Variants in ADK observed in about 807,000 individuals in gnomAD.
The protein encoded by ADK is adenosine kinase, also known as N6,N6-dimethyladenosine kinase.
Under a neutral mutation model 44.7 loss-of-function variants are expected in ADK, and 24 were observed. The ratio of observed to expected loss-of-function variants is 0.54; its 90% CI spans 0.39 to 0.76. ADK has a LOEUF of 0.76. Ranked by LOEUF, ADK falls within the 30% of genes least tolerant of loss-of-function variation. ADK has a pLI of 0.00. For missense variants in ADK, 321 were observed against 425.1 expected (o/e 0.76, Z 2.15); for synonymous variants, 128 against 142.6 (o/e 0.90, Z 0.73).
At chr10:74,360,501 T>G (rs1325122216) in intron 4 of ADK, among the ~76,000 whole-genome samples, 1 of 152,196 alleles carries the variant, frequency 6.6e-6, no homozygotes, top group Non-Finnish European at 1.5e-5. Context: ...TCCCCTACTA[T>G]TATTGTATTT....
At position 74,416,163 on chromosome 10, in the gene ADK, T is replaced by TA. The variant is rs201702804; in HGVS notation, c.555+17593dup. Among the ~76,000 whole-genome samples, 183 of 151,220 alleles carry TA rather than the reference T, an allele frequency of 1.2e-3. 1 individual carries two copies. The South Asian group carries it at 0.018, about 15-fold the overall frequency. On this transcript the variant is annotated intron_variant, in intron 6 of 10. Transcript: ENST00000539909. Reference sequence around the variant, plus strand: ...GGTGGATGACATGGTACGTGAAGCTTAAAAAAAAATTTGGTAAATTGGTAT... The same window carrying TA: ...GGTGGATGACATGGTACGTGAAGCTTAAAAAAAAAATTTGGTAAATTGGTAT...
chr10:74,686,994 G>C (rs1035524363), intron 10 of ADK, among the ~76,000 whole-genome samples: 4 of 152,050 alleles, frequency 2.6e-5, no homozygotes, highest in African/African-American at 9.7e-5. Flanking sequence ...ACATCTCTAA[G>C]CCTCCGTTTC....
At chr10:74,310,555 C>T (rs1406147823) in intron 3 of ADK, among the ~76,000 whole-genome samples, 1 of 152,106 alleles carries the variant, frequency 6.6e-6, no homozygotes, top group African/African-American at 2.4e-5. Flanking sequence ...ACTTTGGTCT[C>T]GTCTCTCTAT....
intron 4 of ADK, among the ~76,000 whole-genome samples, chr10:74,355,744 CTG>C (rs1842115826): frequency 6.6e-6 from 1 of 152,078 alleles, no homozygotes; most frequent in Admixed American, 6.6e-5. Context: ...GACAATTGGT[CTG>C]TATCTTTTCT....
chr10:74,523,232 G>T (rs1362552043), intron 6 of ADK, among the ~76,000 whole-genome samples: 2 of 152,160 alleles, frequency 1.3e-5, no homozygotes, highest in Non-Finnish European at 1.5e-5. Flanking sequence ...TTACATTTCA[G>T]ATGGTTTTAT....
chr10:74,249,261 T>C (rs749470512), intron 3 of ADK, among the ~76,000 whole-genome samples: 4 of 152,176 alleles, frequency 2.6e-5, no homozygotes, highest in Non-Finnish European at 4.4e-5. Context: ...TAGAGGAAAA[T>C]AGTGTTCTTA....
chr10:74,675,814 T>C (rs931256435), intron 10 of ADK, among the ~76,000 whole-genome samples: 1 of 152,100 alleles, frequency 6.6e-6, no homozygotes, highest in Non-Finnish European at 1.5e-5. Flanking sequence ...ACAAATAACA[T>C]GAAAGAGGAC....
chr10:74,656,886 G>T (rs1020577961), intron 9 of ADK, among the ~76,000 whole-genome samples: 2 of 152,134 alleles, frequency 1.3e-5, no homozygotes, highest in Non-Finnish European at 2.9e-5. Context: ...TAGAGACAGG[G>T]TCTCATTCTT....
chr10:74,180,070 T>TAGTA (rs1842476133), intron 1 of ADK, among the ~76,000 whole-genome samples: 1 of 152,062 alleles, frequency 6.6e-6, no homozygotes, highest in Non-Finnish European at 1.5e-5. Context: ...TTGCTAAATA[T>TAGTA]AGTAGTATGT....
chr10:74,625,337 A>G (rs929263898), intron 9 of ADK, among the ~76,000 whole-genome samples: 3 of 152,162 alleles, frequency 2.0e-5, no homozygotes, highest in South Asian at 4.1e-4. Context: ...AGAGTCCTTC[A>G]TATGATTTGT....
intron 6 of ADK, among the ~76,000 whole-genome samples, chr10:74,482,778 A>G (rs1048830197): frequency 5.9e-5 from 9 of 152,222 alleles, no homozygotes; most frequent in Non-Finnish European, 8.8e-5. Context: ...CAGTCATTAA[A>G]TCTTTAAACT....
At chr10:74,224,447 C>T in intron 2 of ADK, 91 bp from the exon 3 acceptor site, 2 of 942,866 alleles carry the variant, frequency 2.1e-6, no homozygotes, top group Non-Finnish European at 3.4e-6. Flanking sequence ...AGACCTATAA[C>T]AGTGTTGGAG....
chr10:74,614,927 A>G (rs981239734), intron 9 of ADK, among the ~76,000 whole-genome samples: 8 of 152,276 alleles, frequency 5.3e-5, no homozygotes, highest in Admixed American at 2.6e-4. Context: ...TCACTCATCT[A>G]TATTTATTTC....
chr10:74,679,456 G>T (rs1855521568), intron 10 of ADK, among the ~76,000 whole-genome samples: 1 of 152,070 alleles, frequency 6.6e-6, no homozygotes, highest in Non-Finnish European at 1.5e-5. Context: ...ATTAAAGTTT[G>T]CCAGCTCTGT....
At chr10:74,496,356 C>G (rs1217438327) in intron 6 of ADK, among the ~76,000 whole-genome samples, 1 of 152,180 alleles carries the variant, frequency 6.6e-6, no homozygotes, top group Non-Finnish European at 1.5e-5. Flanking sequence ...GTAATTGAAT[C>G]ATGGGGGTGG....
chr10:74,560,343 G>T lies in ADK; in HGVS notation c.727-28939G>T, dbSNP rs151297993. Among the ~76,000 whole-genome samples, 309 of 152,274 alleles carry T rather than the reference G, an allele frequency of 2.0e-3. 3 individuals carry two copies. Among genetic ancestry groups the T allele is most frequent in the African/African-American group, 6.3e-3 (263 of 41,542 alleles). ...TTTACCTTATTTAGTAATATCAGAT[G>T]ATGTGTTTCATATGGGTCTAATTTA... On this transcript the variant is annotated intron_variant, in intron 7 of 10. Transcript: ENST00000539909.
chr10:74,411,327 A>C (rs1844168265), intron 6 of ADK, among the ~76,000 whole-genome samples: 1 of 152,194 alleles, frequency 6.6e-6, no homozygotes. Flanking sequence ...ATGTTTAATA[A>C]TTTTATTTGA....
chr10:74,501,172 T>G (rs1196564189), intron 6 of ADK, among the ~76,000 whole-genome samples: 1 of 152,224 alleles, frequency 6.6e-6, no homozygotes, highest in Non-Finnish European at 1.5e-5. Flanking sequence ...AACTCAGATT[T>G]AAAACAACTG....
At position 74,439,320 on chromosome 10, in the gene ADK, G is replaced by C. The variant is rs753075156; in HGVS notation, c.555+40741G>C. Among the ~76,000 whole-genome samples, 211 of 92,240 alleles carry C rather than the reference G, an allele frequency of 2.3e-3. 3 individuals are homozygous for C. The highest frequency in any genetic ancestry group is 4.5e-4 in the Non-Finnish European group (14 of 31,064). The allele number at this position is 92,240 out of a possible 152,430, so 60.5% of individuals were successfully genotyped here. ...CCTTCAGTAAAAGGGTCACTGTACT[G>C]TTTTTCTTTTTCCTTCCCTGTCTTA... On this transcript the variant is annotated intron_variant, in intron 6 of 10. Coordinates refer to ENST00000539909, the MANE Select transcript of ADK (RefSeq NM_006721.4).
Sources: gnomAD v4.1 joint callset for allele counts (sites outside exome capture counted in the v4.1 genomes callset) on GRCh38, gnomAD v4.1.1 for gene constraint, MANE v1.5 for transcripts, NCBI Gene and HGNC (gene_info 2026-07-23, HGNC 2026-07-21) for gene names.